Variants in VWCE observed in about 807,000 individuals in gnomAD.
VWCE encodes the protein von Willebrand factor C and EGF domain-containing protein.
A neutral mutation model predicts 102.9 loss-of-function variants in VWCE; 68 were observed. The ratio of observed to expected loss-of-function variants is 0.66; its 90% CI spans 0.54 to 0.81. The LOEUF (loss-of-function observed/expected upper bound fraction) is 0.81, where lower values mean the gene tolerates loss of function less well. VWCE is among the 30% of genes least tolerant of loss of function. The probability of loss-of-function intolerance (pLI) is 0.00; values close to 1 mark genes in which losing one functional copy is unlikely to be tolerated. For missense variants in VWCE, 1,137 were observed against 1,263.6 expected (o/e 0.90, Z 1.52); for synonymous variants, 497 against 515.4 (o/e 0.96, Z 0.48).
chr11:61,290,788 A>G lies in VWCE; in HGVS notation c.424+11T>C. The G allele has an allele frequency of 6.7e-7, 1 of 1,488,078 alleles. No individual in the cohort carries two copies. Among genetic ancestry groups the G allele is most frequent in the East Asian group, 2.5e-5 (1 of 39,668 alleles). 92.2% of individuals were successfully genotyped at this position (1,488,078 alleles called of 1,614,324 possible). A position where few individuals can be genotyped will look rare whatever the true frequency, so the allele number is the denominator to read the frequency against. On this transcript the variant is annotated intron_variant, in intron 4 of 19. Coordinates refer to ENST00000335613, the MANE Select transcript of VWCE (RefSeq NM_152718.2). ...CCCCTCCCCCTCCCCCACCACTCCCAGGCGTCTCACCTGTACACCTGATGC... is the reference window on the plus strand; with the variant it reads ...CCCCTCCCCCTCCCCCACCACTCCCGGGCGTCTCACCTGTACACCTGATGC...
chr11:61,289,838 A>G (rs373420438), intron 4 of VWCE, among the ~76,000 whole-genome samples: 4 of 152,278 alleles, frequency 2.6e-5, no homozygotes, highest in Non-Finnish European at 4.4e-5. Flanking sequence ...ATGTTCTACA[A>G]TGAACTATCT....
Position 61,291,495 on chromosome 11 carries a change from C to T in VWCE, c.192G>A (p.Gly64=), listed in dbSNP as rs1474688199. ...ACAAGCACTTACGCAGGGTGCAGTGCCCACCACCCATAGAGGGCGCCCAGC... is the reference window on the plus strand; with the variant it reads ...ACAAGCACTTACGCAGGGTGCAGTGTCCACCACCCATAGAGGGCGCCCAGC... ...CPGWAPSMGG[G]HCTLPLCSFG... is the part of the protein sequence containing the mutation. Residue 64 remains glycine, a synonymous_variant, in exon 2 of 20, where the codon GGG becomes GGA. Transcript: ENST00000335613. 6.4e-7 allele frequency: 1 copy of T among 1,551,076 alleles called. No individual in the cohort carries two copies. Among genetic ancestry groups the T allele is most frequent in the Non-Finnish European group, 8.7e-7 (1 of 1,146,276 alleles).
At chr11:61,268,260 T>G (rs1854570141) in intron 15 of VWCE, among the ~76,000 whole-genome samples, 1 of 152,090 alleles carries the variant, frequency 6.6e-6, no homozygotes, top group Non-Finnish European at 1.5e-5. Context: ...TTTTCTAAAT[T>G]TTCTATAATG....
chr11:61,276,020 G>A (rs1007086534), intron 11 of VWCE, among the ~76,000 whole-genome samples: 19 of 152,312 alleles, frequency 1.2e-4, no homozygotes, highest in Admixed American at 2.6e-4. Context: ...CTTGATCTGA[G>A]TTTGTAAAGC....
At chr11:61,293,416 CAAA>C (rs752077588) in intron 1 of VWCE, among the ~76,000 whole-genome samples, 2 of 61,724 alleles carry the variant, frequency 3.2e-5, no homozygotes. Flanking sequence ...GATTCTGTCT[CAAA>C]AAAAAAAAAA....
intron 9 of VWCE, among the ~76,000 whole-genome samples, chr11:61,278,987 C>T (rs1855024936): frequency 6.6e-6 from 1 of 151,710 alleles, no homozygotes; most frequent in Non-Finnish European, 1.5e-5. Context: ...TGCAGTGAGC[C>T]GAGATCGCGC....
chr11:61,286,084 C>G (rs1178273835), intron 5 of VWCE, among the ~76,000 whole-genome samples: 1 of 152,168 alleles, frequency 6.6e-6, no homozygotes, highest in Non-Finnish European at 1.5e-5. Context: ...GTTAGATGTG[C>G]TGGGATTCAA....
At chr11:61,276,415 A>C (rs1854907683) in intron 11 of VWCE, among the ~76,000 whole-genome samples, 178 bp downstream of exon 11, 1 of 150,360 alleles carries the variant, frequency 6.7e-6, no homozygotes, top group Non-Finnish European at 1.5e-5. Flanking sequence ...CTCTCAAAAA[A>C]AAAAAAGGAG....
At chr11:61,264,366 G>T in intron 19 of VWCE, 121 bp downstream of exon 19, 1 of 994,054 alleles carries the variant, frequency 1.0e-6, no homozygotes, top group Non-Finnish European at 1.5e-6. Context: ...TGCGCGAGCC[G>T]TGTTCCCTCT....
Position 61,280,776 on chromosome 11 carries a change from G to A in VWCE, c.1230+17C>T. 1 of 1,610,358 alleles carries A rather than the reference G, an allele frequency of 6.2e-7. No individual in the cohort carries two copies. Among genetic ancestry groups the A allele is most frequent in the Non-Finnish European group, 8.5e-7 (1 of 1,178,118 alleles). ...AGGCCCCAGACCAAGGAAGCTCCGG[G>A]GACCCCTAGTACCCACCTCGCACCA... is the stretch of plus-strand genomic sequence containing the variant. On this transcript the variant is annotated intron_variant, in intron 8 of 19. Coordinates refer to ENST00000335613, the MANE Select transcript of VWCE (RefSeq NM_152718.2).
chr11:61,287,990 C>T (rs1478782790), intron 4 of VWCE, among the ~76,000 whole-genome samples: 1 of 151,128 alleles, frequency 6.6e-6, no homozygotes, highest in Non-Finnish European at 1.5e-5. Context: ...CCCGTCTCTA[C>T]TAAAAAAAAA....
chr11:61,268,719 C>A (rs1854583902), intron 15 of VWCE, among the ~76,000 whole-genome samples: 1 of 152,254 alleles, frequency 6.6e-6, no homozygotes, highest in African/African-American at 2.4e-5. Flanking sequence ...GCACCGTAAG[C>A]CCTGCGTGTC....
chr11:61,280,890 C>A lies in VWCE; in HGVS notation c.1133G>T (p.Arg378Leu), dbSNP rs200553245. The change falls in exon 8 of 20, where the codon CGA becomes CTA. Residue 378 changes from arginine to leucine, a missense_variant. By Grantham distance (102) the Arg-to-Leu change is moderately radical (BLOSUM62 -2). Around this residue, in one of 5 missense-constraint regions of VWCE, gnomAD observed 575 missense variants for 625.9 expected, o/e 0.92. Coordinates refer to ENST00000335613, the MANE Select transcript of VWCE (RefSeq NM_152718.2). ...PSSPRGPESPRLAAGPSPCWH... is the reference protein window; with the variant it reads ...PSSPRGPESPLLAAGPSPCWH... ...GCAGGGAGAGGGCCCTGCTGCCAGT[C>A]GGGGGGACTCAGGGCCCCTGGGTGA... is the stretch of plus-strand genomic sequence containing the variant. The A allele has an allele frequency of 2.0e-6, 3 of 1,531,310 alleles. No individual in the cohort carries two copies. Among genetic ancestry groups the A allele is most frequent in the Non-Finnish European group, 2.6e-6 (3 of 1,141,070 alleles). The allele number at this position is 1,531,310 out of a possible 1,614,324, so 94.9% of individuals were successfully genotyped here.
Position 61,282,782 on chromosome 11 carries a change from G to T in VWCE, c.658+7C>A. On this transcript the variant is annotated splice_region_variant and intron_variant, in intron 6 of 19. Transcript: ENST00000335613. ...GTGTGCAGACCACAGGGTCCTCCCC[G>T]CCTTACCTACACAGGAGTGCCGGTT... The T allele has an allele frequency of 2.5e-6, 4 of 1,612,204 alleles. No homozygotes were observed. Among genetic ancestry groups the T allele is most frequent in the African/African-American group, 1.3e-5 (1 of 75,000 alleles).
intron 12 of VWCE, among the ~76,000 whole-genome samples, chr11:61,274,060 T>C (rs1235459725): frequency 6.6e-6 from 1 of 152,154 alleles, no homozygotes; most frequent in African/African-American, 2.4e-5. Context: ...ACTCTCTCCA[T>C]GCTCCAGGCA....
intron 19 of VWCE, among the ~76,000 whole-genome samples, chr11:61,261,614 C>T (rs539045294): frequency 2.0e-5 from 3 of 151,112 alleles, no homozygotes; most frequent in Non-Finnish European, 3.0e-5. Context: ...AAGTGTTTAT[C>T]ACTTCATGGG....
chr11:61,286,427 A>G lies in VWCE; in HGVS notation c.428T>C (p.Ile143Thr), dbSNP rs373738824. The G allele has an allele frequency of 2.2e-5, 35 of 1,611,490 alleles. No homozygotes were observed. The highest frequency in any genetic ancestry group is 1.1e-4 in the South Asian group (10 of 91,072). Reference sequence around the variant, plus strand: ...GCAGGAGGAGGTTACACATTCGTCAATGTCTGGAAAGACAGAAAGCACGTG... The same window carrying G: ...GCAGGAGGAGGTTACACATTCGTCAGTGTCTGGAAAGACAGAAAGCACGTG... ...ETAVGIRCTD[I>T]DECVTSSCEG... The change falls in exon 5 of 20, where the codon ATT becomes ACT. Residue 143 changes from isoleucine (I) to threonine (T), a missense_variant. This residue lies in a region of VWCE where 575 missense variants were observed against 625.9 expected (regional missense o/e 0.92). Coordinates refer to ENST00000335613, the MANE Select transcript of VWCE (RefSeq NM_152718.2).
Position 61,258,970 on chromosome 11 carries a change from G to A in VWCE, c.2573C>T (p.Pro858Leu), listed in dbSNP as rs771965397. 3 of 1,593,852 alleles carry A rather than the reference G, an allele frequency of 1.9e-6. No individual in the cohort carries two copies. The highest frequency in any genetic ancestry group is 1.8e-5 in the Admixed American group (1 of 56,358). ...PSTPPGAPTLPLASPGAPQPP... is the reference protein window; with the variant it reads ...PSTPPGAPTLLLASPGAPQPP... Reference sequence around the variant, plus strand: ...CTGAGGAGCCCCTGGGGAAGCTAGAGGTAGAGTGGGGGCTCCTGGAGGGGT... The same window carrying A: ...CTGAGGAGCCCCTGGGGAAGCTAGAAGTAGAGTGGGGGCTCCTGGAGGGGT... The change falls in exon 20 of 20, where the codon CCT (proline) becomes CTT (leucine). Residue 858 changes from proline to leucine, a missense_variant. Pro to Leu is a moderately conservative substitution (Grantham distance 98, BLOSUM62 -3). Coordinates refer to ENST00000335613, the MANE Select transcript of VWCE (RefSeq NM_152718.2).
At chr11:61,273,690 G>C (rs976552396) in intron 12 of VWCE, 49 of 192,134 alleles carry the variant, frequency 2.6e-4, no homozygotes, top group Non-Finnish European at 4.8e-4. Flanking sequence ...GTCAGGGGCA[G>C]AGGCTGTCAG....
Sources: allele counts gnomAD v4.1 joint callset (sites outside exome capture counted in the v4.1 genomes callset), GRCh38; gene constraint gnomAD v4.1.1; regional missense constraint gnomAD v4.1.1; transcripts MANE v1.5; gene names NCBI Gene and HGNC (gene_info 2026-07-23, HGNC 2026-07-21).